Variants in DSCAML1 observed in about 807,000 individuals in gnomAD.
DSCAML1 encodes the protein DS cell adhesion molecule like 1.
DSCAML1 carries 38 observed loss-of-function variants against 200.5 expected under a neutral mutation model. The observed-to-expected ratio is 0.19, with a 90% CI of 0.15 to 0.25. The LOEUF is 0.25. Ranked by LOEUF, DSCAML1 falls within the 10% of genes least tolerant of loss-of-function variation. The pLI, the probability that DSCAML1 is intolerant of heterozygous loss-of-function variation, is 1.00. For missense variants in DSCAML1, 2,223 were observed against 2,858.8 expected, an observed-to-expected ratio of 0.78 and a Z score of 5.07; for synonymous variants, 1,215 against 1,165.0, an observed-to-expected ratio of 1.04 and a Z score of -0.87.
chr11:117,810,086 CACAT>C (rs2055748176), intron 1 of DSCAML1, among the ~76,000 whole-genome samples: 1 of 152,166 alleles, frequency 6.6e-6, no homozygotes, highest in South Asian at 2.1e-4. Context: ...CATTCGCACA[CACAT>C]ACACACATTC....
At position 117,480,712 on chromosome 11, in the gene DSCAML1, G is replaced by A; in HGVS notation, c.2657-141C>T. On this transcript the variant is annotated intron_variant, in intron 13 of 32. Coordinates refer to ENST00000651296, the MANE Select transcript of DSCAML1 (RefSeq NM_020693.4). This position sits in a 1 kb window ranked among gnomAD's most constrained non-coding sequence, Gnocchi z 4.1. ...GGTTTGAGCAGGGTGGGGGCTGGAG[G>A]AGGCCAGCAGCCAGGCTTGGAGGCT... is the stretch of plus-strand genomic sequence containing the variant. 1.1e-6 allele frequency: 1 copy of A among 890,342 alleles called. No individual in the cohort carries two copies. Among genetic ancestry groups the A allele is most frequent in the South Asian group, 1.7e-5 (1 of 59,844 alleles). The allele number at this position is 890,342 out of a possible 1,614,324, so 55.2% of individuals were successfully genotyped here. A position where few individuals can be genotyped will look rare whatever the true frequency, so the allele number is the denominator to read the frequency against.
intron 1 of DSCAML1, among the ~76,000 whole-genome samples, chr11:117,805,137 T>A (rs1367387237): frequency 6.6e-6 from 1 of 152,244 alleles, no homozygotes; most frequent in Non-Finnish European, 1.5e-5. Flanking sequence ...CCTTGGCCTG[T>A]AATCCTGATG....
intron 3 of DSCAML1, among the ~76,000 whole-genome samples, chr11:117,668,113 C>T (rs2053018313): frequency 1.3e-5 from 2 of 152,172 alleles, no homozygotes; most frequent in African/African-American, 4.8e-5. Context: ...TTTCATTTTT[C>T]ATTGATTCAC....
chr11:117,564,842 T>G (rs964028744), intron 3 of DSCAML1, among the ~76,000 whole-genome samples: 1 of 151,954 alleles, frequency 6.6e-6, no homozygotes, highest in African/African-American at 2.4e-5. Context: ...CTCGGCTCAC[T>G]GCAACCTCCA....
intron 2 of DSCAML1, among the ~76,000 whole-genome samples, chr11:117,778,341 A>C (rs1023720719): frequency 6.6e-6 from 1 of 152,188 alleles, no homozygotes; most frequent in African/African-American, 2.4e-5. Context: ...GGAGGGAGGC[A>C]AGGTGGTGGA....
At chr11:117,775,484 C>T (rs1450721233) in intron 3 of DSCAML1, among the ~76,000 whole-genome samples, 1 of 152,170 alleles carries the variant, frequency 6.6e-6, no homozygotes, top group Non-Finnish European at 1.5e-5. Flanking sequence ...CTTCCAGGAG[C>T]TTCGAATTCC....
chr11:117,668,520 G>C (rs984355765), intron 3 of DSCAML1: 1 of 152,212 alleles, frequency 6.6e-6, no homozygotes, highest in Non-Finnish European at 1.5e-5. Flanking sequence ...ATAGCCCAGC[G>C]GGTACCTGGG....
intron 20 of DSCAML1, among the ~76,000 whole-genome samples, chr11:117,446,903 G>C (rs752203903): frequency 3.3e-5 from 5 of 152,190 alleles, no homozygotes; most frequent in African/African-American, 1.2e-4. Context: ...TCATTGAGAC[G>C]TAATTTATAA....
chr11:117,443,281 G>A (rs1182198896), intron 21 of DSCAML1, among the ~76,000 whole-genome samples: 1 of 152,188 alleles, frequency 6.6e-6, no homozygotes, highest in East Asian at 1.9e-4. Context: ...TGAGGCCTTG[G>A]AAGTGTCATT....
chr11:117,800,162 G>A (rs946929377), upstream of DSCAML1, among the ~76,000 whole-genome samples: 7 of 152,228 alleles, frequency 4.6e-5, no homozygotes, highest in Admixed American at 1.3e-4. Context: ...CTTTGAAAAT[G>A]ACAGGTTGGC....
chr11:117,539,169 G>C (rs3016797), intron 3 of DSCAML1, among the ~76,000 whole-genome samples: 15,755 of 152,176 alleles, frequency 0.1, 1,102 homozygotes, highest in South Asian at 0.3. Flanking sequence ...CTGCAACCCA[G>C]AAAAGTCTGA....
At position 117,516,370 on chromosome 11, in the gene DSCAML1, A is replaced by G. The variant is rs2137304942; in HGVS notation, c.1783+97T>C. On this transcript the variant is annotated intron_variant, in intron 8 of 32. Transcript: ENST00000651296. The surrounding 1 kb of genome is among the most constrained non-coding windows in gnomAD (Gnocchi z 5.7). ...CTCTTGCTCAGCCTTCCGTTCACCC[A>G]GGATTGCCTATTGTTGTCTGAGTCC... 4.8e-6 allele frequency: 7 copies of G among 1,463,036 alleles called. No individual in the cohort carries two copies. Among genetic ancestry groups the G allele is most frequent in the Middle Eastern group, 2.5e-4 (1 of 4,000 alleles). The allele number at this position is 1,463,036 out of a possible 1,614,324, so 90.6% of individuals were successfully genotyped here.
intron 8 of DSCAML1, among the ~76,000 whole-genome samples, chr11:117,512,777 A>ACACACACACACACACACACACACACACC (rs2049661407): frequency 2.0e-5 from 3 of 147,952 alleles, no homozygotes; most frequent in African/African-American, 7.5e-5. Flanking sequence ...ACACACACAC[A>ACACACACACACACACACACACACACACC]CACACACACA....
intron 1 of DSCAML1, among the ~76,000 whole-genome samples, chr11:117,794,307 G>A (rs559025732): frequency 3.9e-5 from 6 of 152,314 alleles, no homozygotes; most frequent in South Asian, 4.1e-4. Flanking sequence ...AACGGAGAGC[G>A]CCTCGCCGGG....
chr11:117,615,168 G>C (rs751416150), intron 3 of DSCAML1, among the ~76,000 whole-genome samples: 19 of 152,194 alleles, frequency 1.2e-4, no homozygotes, highest in Admixed American at 4.6e-4. Context: ...TTCCCATCTG[G>C]AGAATGAAGA....
chr11:117,428,946 C>A, intron 32 of DSCAML1, 143 bp from the exon 33 acceptor site: 1 of 701,032 alleles, frequency 1.4e-6, no homozygotes, highest in South Asian at 1.9e-5. Flanking sequence ...TAAAGAGTAG[C>A]GGAAAGGTCG....
chr11:117,609,702 T>C (rs1210211248), intron 3 of DSCAML1, among the ~76,000 whole-genome samples: 4 of 152,240 alleles, frequency 2.6e-5, no homozygotes, highest in Non-Finnish European at 4.4e-5. Flanking sequence ...TGGGTGTTAG[T>C]ATTTTCTTAA....
chr11:117,584,102 G>A (rs1035597432), intron 3 of DSCAML1, among the ~76,000 whole-genome samples: 2 of 151,254 alleles, frequency 1.3e-5, no homozygotes, highest in Admixed American at 1.3e-4. Flanking sequence ...AGGGATCCTC[G>A]GGGAACTAAG....
At chr11:117,532,700 T>C (rs1419047071) in intron 3 of DSCAML1, among the ~76,000 whole-genome samples, 178 bp from the exon 4 acceptor site, 1 of 152,186 alleles carries the variant, frequency 6.6e-6, no homozygotes, top group African/African-American at 2.4e-5. Flanking sequence ...AGCTGGGCTT[T>C]AGAGTTAGAC....
Sources: gnomAD v4.1 joint callset for allele counts (sites outside exome capture counted in the v4.1 genomes callset) on GRCh38, gnomAD v4.1.1 for gene constraint, Gnocchi (gnomAD v3.1) non-coding constraint, MANE v1.5 for transcripts, NCBI Gene and HGNC (gene_info 2026-07-23, HGNC 2026-07-21) for gene names.